ASIC2: variants seen among roughly 807,000 people sequenced by gnomAD.
ASIC2 encodes acid sensing ion channel subunit 2, also known as acid-sensing ion channel 2.
ASIC2 carries 25 observed loss-of-function variants against 57.3 expected under a neutral mutation model. That is an observed-to-expected ratio of 0.44 (90% CI 0.32 to 0.61). The LOEUF (loss-of-function observed/expected upper bound fraction) is 0.61. ASIC2 is among the 20% of genes least tolerant of loss of function. The pLI, the probability that ASIC2 is intolerant of heterozygous loss-of-function variation, is 0.06. For missense variants in ASIC2, 641 were observed against 738.1 expected, an observed-to-expected ratio of 0.87 and a Z score of 1.52; for synonymous variants, 319 against 307.5, an observed-to-expected ratio of 1.04 and a Z score of -0.39.
chr17:33,499,449 G>A (rs1322052581), intron 1 of ASIC2, among the ~76,000 whole-genome samples: 1 of 152,218 alleles, frequency 6.6e-6, no homozygotes, highest in Admixed American at 6.5e-5. Context: ...AACACAGGGA[G>A]AAGGCCACGT....
chr17:33,842,245 A>G (rs1001753973), intron 1 of ASIC2, among the ~76,000 whole-genome samples: 5 of 152,206 alleles, frequency 3.3e-5, no homozygotes, highest in Non-Finnish European at 5.9e-5. Context: ...TCAGGGCCTC[A>G]GTGCCCTGTA....
At chr17:33,976,152 C>T (rs1183249903) in intron 1 of ASIC2, among the ~76,000 whole-genome samples, 1 of 149,252 alleles carries the variant, frequency 6.7e-6, no homozygotes, top group Non-Finnish European at 1.5e-5. Flanking sequence ...GATCTTGGAT[C>T]ATTTACAGAT....
chr17:33,048,291 C>T (rs2091962803), intron 3 of ASIC2, among the ~76,000 whole-genome samples: 2 of 152,132 alleles, frequency 1.3e-5, no homozygotes, highest in African/African-American at 2.4e-5. Context: ...GCTATGGCAC[C>T]TCGAGCTGAC....
chr17:33,283,828 A>G (rs114382148), intron 1 of ASIC2, among the ~76,000 whole-genome samples: 1,645 of 152,226 alleles, frequency 0.011, 30 homozygotes, highest in African/African-American at 0.038. Flanking sequence ...ATAATAAATT[A>G]AGCTTCTGCT....
intron 2 of ASIC2, among the ~76,000 whole-genome samples, chr17:33,106,686 C>T (rs917382425): frequency 3.9e-5 from 6 of 152,160 alleles, no homozygotes; most frequent in African/African-American, 1.4e-4. Context: ...AATTCCCCTG[C>T]CCACTGCTGA....
chr17:33,858,948 T>C (rs1398766777), intron 1 of ASIC2, among the ~76,000 whole-genome samples: 1 of 152,212 alleles, frequency 6.6e-6, no homozygotes, highest in Non-Finnish European at 1.5e-5. Flanking sequence ...TCAAGGTCCC[T>C]TCAAGATTTG....
intron 1 of ASIC2, among the ~76,000 whole-genome samples, chr17:33,467,309 A>G (rs979859126): frequency 1.3e-5 from 2 of 152,200 alleles, no homozygotes; most frequent in Non-Finnish European, 2.9e-5. Context: ...GTGAAGAAAT[A>G]TGAAGTTTAT....
chr17:34,142,050 G>A (rs1330345206), intron 1 of ASIC2, among the ~76,000 whole-genome samples: 1 of 152,112 alleles, frequency 6.6e-6, no homozygotes, highest in Non-Finnish European at 1.5e-5. Flanking sequence ...ACAGGCCCGG[G>A]GGAATGAAGT....
At chr17:33,405,528 G>A (rs1034703629) in intron 1 of ASIC2, among the ~76,000 whole-genome samples, 5 of 142,780 alleles carry the variant, frequency 3.5e-5, no homozygotes, top group African/African-American at 1.3e-4. Context: ...CTGTTGCCCA[G>A]GCTGCAGAGC....
rs1314922554 is a variant in ASIC2 at position 33,685,222 on chromosome 17, G to C, written c.555+470756C>G. 2.0e-5 allele frequency among the ~76,000 whole-genome samples: 3 copies of C among 152,170 alleles called. No homozygotes were observed. In the East Asian group the frequency reaches 5.8e-4, roughly 29 times the overall value. Reference sequence around the variant, plus strand: ...CAGCAGGTGCGTTTGTTGCTTTCCAGATAAGTAGAAACCAATCCTTCACCC... The same window carrying C: ...CAGCAGGTGCGTTTGTTGCTTTCCACATAAGTAGAAACCAATCCTTCACCC... On this transcript the variant is annotated intron_variant, in intron 1 of 9. Transcript: ENST00000359872.
At chr17:33,794,908 C>A (rs573797232) in intron 1 of ASIC2, among the ~76,000 whole-genome samples, 2 of 152,270 alleles carry the variant, frequency 1.3e-5, no homozygotes, top group South Asian at 2.1e-4. Flanking sequence ...CTCTAACAAG[C>A]AGTATATCTT....
chr17:33,717,094 G>A (rs554171669), intron 1 of ASIC2, among the ~76,000 whole-genome samples: 17 of 152,238 alleles, frequency 1.1e-4, no homozygotes, highest in East Asian at 3.9e-4. Flanking sequence ...TTGGACAGAC[G>A]CACTACTAAT....
At chr17:33,581,671 T>G (rs1904445017) in intron 1 of ASIC2, among the ~76,000 whole-genome samples, 1 of 152,154 alleles carries the variant, frequency 6.6e-6, no homozygotes, top group African/African-American at 2.4e-5. Context: ...CTGTTCAGAT[T>G]CCTATTGGCT....
chr17:33,891,394 G>T (rs1914956411), intron 1 of ASIC2, among the ~76,000 whole-genome samples: 1 of 152,052 alleles, frequency 6.6e-6, no homozygotes, highest in South Asian at 2.1e-4. Flanking sequence ...TTGTAGAAAG[G>T]CTTTTACTAA....
At chr17:33,838,219 C>T (rs1913329489) in intron 1 of ASIC2, among the ~76,000 whole-genome samples, 1 of 152,132 alleles carries the variant, frequency 6.6e-6, no homozygotes, top group South Asian at 2.1e-4. Context: ...TCATAAATGA[C>T]TTTTGAATTA....
intron 1 of ASIC2, among the ~76,000 whole-genome samples, chr17:33,413,479 T>C (rs554625249): frequency 7.1e-4 from 108 of 152,366 alleles, no homozygotes; most frequent in African/African-American, 2.6e-3. Flanking sequence ...TCCCTCTCTG[T>C]TGCTGCCACT....
At chr17:34,003,726 A>G (rs1435999765) in intron 1 of ASIC2, 1 of 152,148 alleles carries the variant, frequency 6.6e-6, no homozygotes, top group Admixed American at 6.5e-5. Context: ...ATACATTATC[A>G]GTGCTATAAA....
At chr17:34,081,123 G>C (rs923007348) in intron 1 of ASIC2, 1 of 152,066 alleles carries the variant, frequency 6.6e-6, no homozygotes, top group Non-Finnish European at 1.5e-5. Flanking sequence ...TGAGCTCCAG[G>C]GGCCAATTGC....
At chr17:33,684,162 C>G (rs1908102587) in intron 1 of ASIC2, among the ~76,000 whole-genome samples, 1 of 152,208 alleles carries the variant, frequency 6.6e-6, no homozygotes, top group African/African-American at 2.4e-5. Context: ...ATAAAAGGCT[C>G]TAGGCTAGAA....
Sources: allele counts gnomAD v4.1 joint callset (sites outside exome capture counted in the v4.1 genomes callset), GRCh38; gene constraint gnomAD v4.1.1; transcripts MANE v1.5; gene names NCBI Gene and HGNC (gene_info 2026-07-23, HGNC 2026-07-21).